The following ZKSCAN1 variants were observed in gnomAD, a reference collection of about 807,000 sequenced individuals.
The protein encoded by ZKSCAN1 is zinc finger protein with KRAB and SCAN domains 1.
In ZKSCAN1, 14 loss-of-function variants were observed where a neutral mutation model predicts 51.6. That is an observed-to-expected ratio of 0.27 (90% CI 0.18 to 0.42). ZKSCAN1 has a LOEUF of 0.42. Among genes scored for constraint, ZKSCAN1 ranks in the 10% least tolerant of loss-of-function variants. The pLI is 1.00. For missense variants in ZKSCAN1, 531 were observed against 710.0 expected (o/e 0.75, Z 2.86); for synonymous variants, 263 against 261.5 (o/e 1.01, Z -0.06).
In ZKSCAN1 at chr7:100,034,426, C is replaced by T. The variant is rs1791259963; in HGVS notation, c.*229C>T. On this transcript the variant is annotated 3_prime_UTR_variant, in exon 6 of 6. Transcript: ENST00000324306. ...AAAGGCTAATCTTACGGATAATCCACGTGAGATTTCCACACAAGAGAAAAG... is the reference window on the plus strand; with the variant it reads ...AAAGGCTAATCTTACGGATAATCCATGTGAGATTTCCACACAAGAGAAAAG... 1.1e-5 allele frequency: 14 copies of T among 1,257,792 alleles called. No individual in the cohort carries two copies. Among genetic ancestry groups the T allele is most frequent in the Non-Finnish European group, 1.3e-5 (13 of 1,002,540 alleles). The allele number at this position is 1,257,792 out of a possible 1,614,324, so 77.9% of individuals were successfully genotyped here.
At position 100,040,029 on chromosome 7, in the gene ZKSCAN1, T is replaced by C; in HGVS notation, c.*5832T>C. 1 of 869,598 alleles carries C rather than the reference T, an allele frequency of 1.1e-6. No individual in the cohort carries two copies. Among genetic ancestry groups the C allele is most frequent in the Non-Finnish European group, 1.4e-6 (1 of 724,686 alleles). 53.9% of individuals were successfully genotyped at this position (869,598 alleles called of 1,614,324 possible). On this transcript the variant is annotated 3_prime_UTR_variant, in exon 6 of 6. Transcript: ENST00000324306. ...GACACACTACATTTAAAAGCAATTATTTTGCTATTCAGATTTTTTATTATC... is the reference window on the plus strand; with the variant it reads ...GACACACTACATTTAAAAGCAATTACTTTGCTATTCAGATTTTTTATTATC...
chr7:100,018,338 G>T (rs879320016), intron 1 of ZKSCAN1, among the ~76,000 whole-genome samples: 6 of 152,114 alleles, frequency 3.9e-5, no homozygotes, highest in Non-Finnish European at 7.4e-5. Context: ...GTACAAAGAG[G>T]ACTGCTCTTA....
At position 100,023,647 on chromosome 7, in the gene ZKSCAN1, G is replaced by A. The variant is rs773390004; in HGVS notation, c.141G>A (p.Thr47=). ...GGCAGGATTCCACCCTACAGGACAC[G>A]CCTCCTCCAGACCCAGAGATATTCC... ...MWGQDSTLQD[T]PPPDPEIFRQ... is the part of the protein sequence containing the mutation. The change falls in exon 2 of 6, where the codon ACG becomes ACA. Residue 47 remains threonine (T), a synonymous_variant. Coordinates refer to ENST00000324306, the MANE Select transcript of ZKSCAN1 (RefSeq NM_003439.4). 6.8e-6 allele frequency: 11 copies of A among 1,613,990 alleles called. No individual in the cohort carries two copies. In the East Asian group the frequency reaches 1.1e-4, roughly 16 times the overall value.
At chr7:100,026,502 C>T (rs1462577496) in intron 3 of ZKSCAN1, among the ~76,000 whole-genome samples, 2 of 151,960 alleles carry the variant, frequency 1.3e-5, no homozygotes, top group African/African-American at 2.4e-5. Context: ...CCAAGGTGGG[C>T]GGATTACTTG....
In ZKSCAN1 at chr7:100,033,956, C is replaced by G. The variant is rs574404739; in HGVS notation, c.1451C>G (p.Thr484Arg). The G allele has an allele frequency of 6.2e-7, 1 of 1,614,148 alleles. No individual in the cohort carries two copies. The highest frequency in any genetic ancestry group is 1.3e-5 in the African/African-American group (1 of 75,050). ...CTCACCAAGCATCAGAGAATTCACACGGGGGAGAAACCCTATGAATGTAGT... is the reference window on the plus strand; with the variant it reads ...CTCACCAAGCATCAGAGAATTCACAGGGGGGAGAAACCCTATGAATGTAGT... Reference protein sequence around the residue: ...SDLTKHQRIHTGEKPYECSEC... With the variant: ...SDLTKHQRIHRGEKPYECSEC... The change falls in exon 6 of 6, where the codon ACG becomes AGG. Residue 484 changes from threonine (T) to arginine (R), a missense_variant. By Grantham distance (71) the Thr-to-Arg change is moderately conservative. This residue lies in a region of ZKSCAN1 where 128 missense variants were observed against 219.5 expected (regional missense o/e 0.58). Transcript: ENST00000324306. The surrounding 1 kb of genome is among the most constrained non-coding windows in gnomAD (Gnocchi z 4.1).
rs764711657 is a variant in ZKSCAN1 at position 100,029,924 on chromosome 7, C to T, written c.644C>T (p.Ala215Val). 7 of 1,614,074 alleles carry T rather than the reference C, an allele frequency of 4.3e-6. No individual in the cohort carries two copies. In the East Asian group the frequency reaches 8.9e-5, roughly 21 times the overall value. Residue 215 changes from alanine to valine, a missense_variant, in exon 4 of 6, where the codon GCA becomes GTA. Ala to Val is a moderately conservative substitution (Grantham distance 64). This residue lies in a region of ZKSCAN1 where 403 missense variants were observed against 490.5 expected (regional missense o/e 0.82). Coordinates refer to ENST00000324306, the MANE Select transcript of ZKSCAN1 (RefSeq NM_003439.4). The part of the protein sequence containing the change: ...HEGSPRDQAM[A>V]SALFTADSQA... ...GGTAGTCCCAGAGACCAGGCGATGG[C>T]ATCTGCACTATTCACAGCGGATTCC...
chr7:100,039,498 C>T lies in ZKSCAN1; in HGVS notation c.*5301C>T, dbSNP rs536251021. 2.0e-6 allele frequency: 2 copies of T among 985,368 alleles called. No homozygotes were observed. Among genetic ancestry groups the T allele is most frequent in the South Asian group, 9.4e-5 (2 of 21,284 alleles). 61.0% of individuals were successfully genotyped at this position (985,368 alleles called of 1,614,324 possible). On this transcript the variant is annotated 3_prime_UTR_variant, in exon 6 of 6. Transcript: ENST00000324306. The stretch of plus-strand genomic sequence containing the variant: ...TCCTGTGTTCCCTGCTCCCACTTTT[C>T]TTCCCCTGGTTTGTGATTATTAGGA...
chr7:100,019,608 A>G (rs1008832848), intron 1 of ZKSCAN1, among the ~76,000 whole-genome samples: 6 of 152,200 alleles, frequency 3.9e-5, no homozygotes, highest in Non-Finnish European at 8.8e-5. Context: ...TAAAGAGTTT[A>G]CATTGGGGAA....
chr7:100,039,926 T>C lies in ZKSCAN1; in HGVS notation c.*5729T>C, dbSNP rs1791522171. 1 of 978,914 alleles carries C rather than the reference T, an allele frequency of 1.0e-6. No individual in the cohort carries two copies. Among genetic ancestry groups the C allele is most frequent in the Non-Finnish European group, 1.2e-6 (1 of 824,286 alleles). 60.6% of individuals were successfully genotyped at this position (978,914 alleles called of 1,614,324 possible). The stretch of plus-strand genomic sequence containing the variant: ...AATTAGGGTAGATTTTTATTTCAAC[T>C]ACTACTGGAGAATTTAATAAAAGGC... On this transcript the variant is annotated 3_prime_UTR_variant, in exon 6 of 6. Transcript: ENST00000324306.
Position 100,022,969 on chromosome 7 carries a change from G to A in ZKSCAN1, c.-88-450G>A, listed in dbSNP as rs188236008. On this transcript the variant is annotated intron_variant, in intron 1 of 5. Coordinates refer to ENST00000324306, the MANE Select transcript of ZKSCAN1 (RefSeq NM_003439.4). Reference sequence around the variant, plus strand: ...TTTCTGTTTGCAAATCTTGATATATGAAGTGACAGTGGAGATTGTACAGTT... The same window carrying A: ...TTTCTGTTTGCAAATCTTGATATATAAAGTGACAGTGGAGATTGTACAGTT... 9.4e-4 allele frequency among the ~76,000 whole-genome samples: 143 copies of A among 152,170 alleles called. 1 individual carries two copies. The highest frequency in any genetic ancestry group is 3.2e-3 in the African/African-American group (132 of 41,524).
In ZKSCAN1 at chr7:100,037,496, T is replaced by A; in HGVS notation, c.*3299T>A. On this transcript the variant is annotated 3_prime_UTR_variant, in exon 6 of 6. Coordinates refer to ENST00000324306, the MANE Select transcript of ZKSCAN1 (RefSeq NM_003439.4). ...CGTGTGATACGTGGGACAGTTCACA[T>A]AGACATCAGAGAATTTATTCCAGAA... The A allele has an allele frequency of 1.0e-6, 1 of 985,478 alleles. No homozygotes were observed. Among genetic ancestry groups the A allele is most frequent in the Non-Finnish European group, 1.2e-6 (1 of 829,944 alleles). The allele number at this position is 985,478 out of a possible 1,614,324, so 61.0% of individuals were successfully genotyped here. A position where few individuals can be genotyped will look rare whatever the true frequency, so the allele number is the denominator to read the frequency against.
At chr7:100,028,325 T>C (rs1414762094) in intron 3 of ZKSCAN1, among the ~76,000 whole-genome samples, 2 of 151,498 alleles carry the variant, frequency 1.3e-5, no homozygotes, top group African/African-American at 4.9e-5. Flanking sequence ...CACACCAGCC[T>C]GGGTGATAGA....
chr7:100,033,567 G>A lies in ZKSCAN1; in HGVS notation c.1062G>A (p.Leu354=), dbSNP rs140914134. The A allele has an allele frequency of 1.6e-4, 260 of 1,614,126 alleles. 1 individual carries two copies. The African/African-American group carries it at 3.3e-3, about 20-fold the overall frequency. Residue 354 remains leucine (L), a synonymous_variant, in exon 6 of 6, where the codon TTG becomes TTA. Coordinates refer to ENST00000324306, the MANE Select transcript of ZKSCAN1 (RefSeq NM_003439.4). The surrounding 1 kb of genome is among the most constrained non-coding windows in gnomAD (Gnocchi z 4.1). ...GTCCAAGGGAGAAGGGGAAAGGATT[G>A]GGAAGAAGCTTCAGTCTGAGCTCCA... ...ERGPREKGKG[L]GRSFSLSSNF... is the part of the protein sequence containing the mutation.
chr7:100,025,487 A>T (rs184836248), intron 3 of ZKSCAN1, among the ~76,000 whole-genome samples: 1 of 152,212 alleles, frequency 6.6e-6, no homozygotes, highest in Non-Finnish European at 1.5e-5. Flanking sequence ...TTCTCTTTTG[A>T]CGGAAATATG....
In ZKSCAN1 at chr7:100,036,785, T is replaced by A. The variant is rs538611680; in HGVS notation, c.*2588T>A. ...AACTCCAGGCAACGACCCAAGCACT[T>A]ATTTTTTAAGAGGGAAAGGACTTTG... On this transcript the variant is annotated 3_prime_UTR_variant, in exon 6 of 6. Transcript: ENST00000324306. 1.6e-3 allele frequency: 1,543 copies of A among 983,428 alleles called. 1 individual carries two copies. The highest frequency in any genetic ancestry group is 1.8e-3 in the Non-Finnish European group (1,509 of 829,534). 60.9% of individuals were successfully genotyped at this position (983,428 alleles called of 1,614,324 possible). A position where few individuals can be genotyped will look rare whatever the true frequency, so the allele number is the denominator to read the frequency against.
At chr7:100,027,505 C>T (rs1000988348) in intron 3 of ZKSCAN1, among the ~76,000 whole-genome samples, 29 of 151,466 alleles carry the variant, frequency 1.9e-4, no homozygotes, top group Non-Finnish European at 3.4e-4. Flanking sequence ...AATTCCAGCA[C>T]TTTGGGAAGC....
chr7:100,036,088 A>C lies in ZKSCAN1; in HGVS notation c.*1891A>C. The C allele has an allele frequency of 1.0e-6, 1 of 985,418 alleles. No homozygotes were observed. The allele number at this position is 985,418 out of a possible 1,614,324, so 61.0% of individuals were successfully genotyped here. On this transcript the variant is annotated 3_prime_UTR_variant, in exon 6 of 6. Coordinates refer to ENST00000324306, the MANE Select transcript of ZKSCAN1 (RefSeq NM_003439.4). Reference sequence around the variant, plus strand: ...TCAGCAGCTAAAGTCCATGAGACCAAATGGTTTTATATGGAACCAACGAAG... The same window carrying C: ...TCAGCAGCTAAAGTCCATGAGACCACATGGTTTTATATGGAACCAACGAAG...
intron 3 of ZKSCAN1, among the ~76,000 whole-genome samples, chr7:100,028,027 CAG>C (rs1047613471): frequency 2.0e-5 from 3 of 151,922 alleles, no homozygotes; most frequent in African/African-American, 7.3e-5. Flanking sequence ...ATTTGTTTTC[CAG>C]AGTGTTTCCT....
chr7:100,043,403 C>T (rs1562838140), downstream of ZKSCAN1, among the ~76,000 whole-genome samples: 1 of 152,036 alleles, frequency 6.6e-6, no homozygotes, highest in East Asian at 1.9e-4. Context: ...TTTTGTAAGA[C>T]AAGTCTCGTT....
Sources: allele counts gnomAD v4.1 joint callset (sites outside exome capture counted in the v4.1 genomes callset), GRCh38; gene constraint gnomAD v4.1.1; regional missense constraint gnomAD v4.1.1; non-coding constraint Gnocchi (gnomAD v3.1); transcripts MANE v1.5; gene names NCBI Gene and HGNC (gene_info 2026-07-23, HGNC 2026-07-21).